Variants in SYN3 observed in about 807,000 individuals in gnomAD.
SYN3 encodes the protein synapsin-3.
SYN3 carries 35 observed loss-of-function variants against 65.8 expected under a neutral mutation model. The ratio of observed to expected loss-of-function variants is 0.53; its 90% CI spans 0.41 to 0.70. The LOEUF is 0.70. Among genes scored for constraint, SYN3 ranks in the 30% least tolerant of loss-of-function variants. The pLI, the probability that SYN3 is intolerant of heterozygous loss-of-function variation, is 0.00. For missense variants in SYN3, 680 were observed against 749.0 expected (o/e 0.91, Z 1.08); for synonymous variants, 270 against 292.9 (o/e 0.92, Z 0.80).
At position 32,647,567 on chromosome 22, in the gene SYN3, C is replaced by T. The variant is rs1483299561; in HGVS notation, c.712-50831G>A. ...GTTCAAGTGACCCTCCTGCCTCAGA[C>T]TCCTGAGTAGCTAGGACTACAGATG... On this transcript the variant is annotated intron_variant, in intron 6 of 13. Coordinates refer to ENST00000358763, the MANE Select transcript of SYN3 (RefSeq NM_003490.4). Among the ~76,000 whole-genome samples, 4 of 152,012 alleles carry T rather than the reference C, an allele frequency of 2.6e-5. No homozygotes were observed. In the East Asian group the frequency reaches 7.8e-4, roughly 29 times the overall value.
At chr22:32,586,198 T>G (rs554825381) in intron 7 of SYN3, among the ~76,000 whole-genome samples, 23 of 151,786 alleles carry the variant, frequency 1.5e-4, no homozygotes, top group African/African-American at 5.6e-4. Flanking sequence ...ATGCAGTTGA[T>G]TCTCATTATT....
chr22:32,604,454 G>A (rs113964080), intron 6 of SYN3, among the ~76,000 whole-genome samples: 5,439 of 151,286 alleles, frequency 0.036, 203 homozygotes, highest in African/African-American at 0.087. Flanking sequence ...CGGTCTTTGC[G>A]TAAGCTGTTC....
intron 4 of SYN3, among the ~76,000 whole-genome samples, chr22:32,928,052 C>T (rs1198186600): frequency 3.9e-5 from 6 of 152,140 alleles, no homozygotes; most frequent in Non-Finnish European, 7.3e-5. Flanking sequence ...ATTTATTGGC[C>T]GGGCGCAGTG....
At chr22:32,977,741 CAA>C (rs35038035) in intron 3 of SYN3, among the ~76,000 whole-genome samples, 47 of 89,720 alleles carry the variant, frequency 5.2e-4, no homozygotes, top group Admixed American at 8.4e-4. Context: ...AGACTGTCTC[CAA>C]AAAAAAAAAA....
intron 1 of SYN3, among the ~76,000 whole-genome samples, chr22:33,033,281 A>T (rs919352696): frequency 6.6e-6 from 1 of 152,122 alleles, no homozygotes; most frequent in Admixed American, 6.6e-5. Context: ...GATTACAGGC[A>T]TGAGCCACCA....
At chr22:32,656,655 A>C (rs1336402271) in intron 6 of SYN3, among the ~76,000 whole-genome samples, 7 of 152,274 alleles carry the variant, frequency 4.6e-5, no homozygotes, top group Admixed American at 4.6e-4. Flanking sequence ...TTTCTAAATT[A>C]TTTTAGCTGC....
Position 32,805,794 on chromosome 22 carries a change from T to A in SYN3, c.711+59121A>T, listed in dbSNP as rs560683766. On this transcript the variant is annotated intron_variant, in intron 6 of 13. Transcript: ENST00000358763. Reference sequence around the variant, plus strand: ...GCTTCAAAAACCTTTCAACTTTCATTGACACATGACATTCTAAGGTGACCA... The same window carrying A: ...GCTTCAAAAACCTTTCAACTTTCATAGACACATGACATTCTAAGGTGACCA... Among the ~76,000 whole-genome samples, 82 of 152,172 alleles carry A rather than the reference T, an allele frequency of 5.4e-4. 1 individual carries two copies. The highest frequency in any genetic ancestry group is 1.9e-3 in the African/African-American group (80 of 41,504).
At chr22:32,615,263 G>A (rs976047916) in intron 6 of SYN3, among the ~76,000 whole-genome samples, 22 of 151,438 alleles carry the variant, frequency 1.5e-4, no homozygotes, top group Admixed American at 1.1e-3. Flanking sequence ...GGTGAAAGCC[G>A]GTCTCTACTA....
chr22:32,981,298 G>T (rs1205636481), intron 2 of SYN3, among the ~76,000 whole-genome samples: 1 of 150,724 alleles, frequency 6.6e-6, no homozygotes, highest in Non-Finnish European at 1.5e-5. Flanking sequence ...TAATAATTTT[G>T]CTACAGGCCG....
At chr22:32,993,164 C>A (rs2052771310) in intron 2 of SYN3, among the ~76,000 whole-genome samples, 1 of 152,020 alleles carries the variant, frequency 6.6e-6, no homozygotes, top group East Asian at 1.9e-4. Flanking sequence ...CCCAGGGATC[C>A]AGGGACCCAA....
intron 4 of SYN3, among the ~76,000 whole-genome samples, chr22:32,915,440 T>C (rs920445895): frequency 1.3e-5 from 2 of 152,178 alleles, no homozygotes; most frequent in Admixed American, 6.5e-5. Flanking sequence ...GCAGTAGCAA[T>C]GAGGGCTGTT....
Position 32,911,731 on chromosome 22 carries a change from C to T in SYN3, c.461+19659G>A, listed in dbSNP as rs139875005. ...GTGGTGAACAAATGCTGTGATCGCT[C>T]AACTGCAGAGCTGCTGCTGCACCGT... On this transcript the variant is annotated intron_variant, in intron 4 of 13. Coordinates refer to ENST00000358763, the MANE Select transcript of SYN3 (RefSeq NM_003490.4). Among the ~76,000 whole-genome samples the T allele has an allele frequency of 1.6e-3, 237 of 152,218 alleles. 1 individual carries two copies. The highest frequency in any genetic ancestry group is 2.9e-3 in the Admixed American group (45 of 15,286).
chr22:33,011,028 T>A (rs2053337863), intron 1 of SYN3, among the ~76,000 whole-genome samples: 1 of 152,222 alleles, frequency 6.6e-6, no homozygotes, highest in Non-Finnish European at 1.5e-5. Context: ...CATCTATAAA[T>A]AGAGATCTTT....
intron 6 of SYN3, among the ~76,000 whole-genome samples, chr22:32,735,059 G>A (rs1374856372): frequency 3.9e-5 from 6 of 152,180 alleles, no homozygotes; most frequent in Non-Finnish European, 5.9e-5. Flanking sequence ...GAAGTGAGAG[G>A]TGGTTACACT....
chr22:32,731,880 C>G (rs563183135), intron 6 of SYN3, among the ~76,000 whole-genome samples: 1 of 152,270 alleles, frequency 6.6e-6, no homozygotes, highest in South Asian at 2.1e-4. Context: ...AATGGAAAAC[C>G]AGCTTCACTG....
intron 4 of SYN3, among the ~76,000 whole-genome samples, chr22:32,871,830 G>A (rs1198586255): frequency 6.6e-6 from 1 of 151,892 alleles, no homozygotes; most frequent in African/African-American, 2.4e-5. Context: ...AGATTTTGCT[G>A]TTACCCAGGT....
At chr22:33,024,800 G>A (rs2053613151) in intron 1 of SYN3, among the ~76,000 whole-genome samples, 1 of 152,204 alleles carries the variant, frequency 6.6e-6, no homozygotes, top group Non-Finnish European at 1.5e-5. Context: ...TGCTTAGAAA[G>A]ACAGTTCATT....
At chr22:32,820,261 T>TGC (rs1254249208) in intron 6 of SYN3, among the ~76,000 whole-genome samples, 14 of 147,784 alleles carry the variant, frequency 9.5e-5, no homozygotes, top group Middle Eastern at 3.5e-3. Context: ...TGTGTGTGTG[T>TGC]GCGTGCGCGT....
At chr22:32,566,767 G>T (rs1245003909) in intron 7 of SYN3, among the ~76,000 whole-genome samples, 1 of 152,154 alleles carries the variant, frequency 6.6e-6, no homozygotes, top group African/African-American at 2.4e-5. Flanking sequence ...GCTCAGCAAA[G>T]ACTTATTTAT....
Sources: allele counts gnomAD v4.1 joint callset (sites outside exome capture counted in the v4.1 genomes callset), GRCh38; gene constraint gnomAD v4.1.1; transcripts MANE v1.5; gene names NCBI Gene and HGNC (gene_info 2026-07-23, HGNC 2026-07-21).